Variants in NPC1L1 observed in about 807,000 individuals in gnomAD.
NPC1L1 encodes NPC1 like intracellular cholesterol transporter 1.
A neutral mutation model predicts 117.0 loss-of-function variants in NPC1L1; 98 were observed. That is an observed-to-expected ratio of 0.84 (90% CI 0.71 to 0.99). NPC1L1 has a LOEUF of 0.99. Among genes scored for constraint, NPC1L1 ranks in the 50% least tolerant of loss-of-function variants. The pLI, the probability that NPC1L1 is intolerant of heterozygous loss-of-function variation, is 0.00. For missense variants in NPC1L1, 1,540 were observed against 1,710.0 expected, an observed-to-expected ratio of 0.90 and a Z score of 1.75; for synonymous variants, 729 against 727.6, an observed-to-expected ratio of 1.00 and a Z score of -0.03.
At chr7:44,517,529 T>G (rs992842055) in intron 14 of NPC1L1, among the ~76,000 whole-genome samples, 172 bp from the exon 15 acceptor site, 1 of 152,196 alleles carries the variant, frequency 6.6e-6, no homozygotes, top group African/African-American at 2.4e-5. Flanking sequence ...CCCATATTTT[T>G]GTTTTGCACC....
chr7:44,516,558 A>G, intron 16 of NPC1L1, 145 bp downstream of exon 16: 1 of 746,978 alleles, frequency 1.3e-6, no homozygotes, highest in Non-Finnish European at 2.3e-6. Context: ...GTGAGCTGTG[A>G]TCATGTCACT....
chr7:44,536,195 A>G lies in NPC1L1; in HGVS notation c.1854+61T>C. ...AGGGCCAGGGCCAGGATGGGGACAC[A>G]GGAACTGACCCAAGACCACCTGGGT... On this transcript the variant is annotated intron_variant, in intron 4 of 18. Transcript: ENST00000381160. The surrounding 1 kb of genome is among the most constrained non-coding windows in gnomAD (Gnocchi z 4.7). 6.2e-7 allele frequency: 1 copy of G among 1,608,072 alleles called. No homozygotes were observed. Among genetic ancestry groups the G allele is most frequent in the Non-Finnish European group, 8.5e-7 (1 of 1,176,346 alleles).
chr7:44,540,213 G>A lies in NPC1L1; in HGVS notation c.184C>T (p.Pro62Ser). 6.2e-7 allele frequency: 1 copy of A among 1,614,142 alleles called. No individual in the cohort carries two copies. The highest frequency in any genetic ancestry group is 8.5e-7 in the Non-Finnish European group (1 of 1,180,038). ...LSNVSCLSNT[P>S]ARKITGDHLI... ...TGATCACCTGTGATCTTGCGGGCCG[G>A]CGTGTTGGACAGGCAGGACACGTTG... Residue 62 changes from proline (P) to serine (S), a missense_variant, in exon 2 of 19, where the codon CCG (proline) becomes TCG (serine). Coordinates refer to ENST00000381160, the MANE Select transcript of NPC1L1 (RefSeq NM_001101648.2).
At chr7:44,516,573 T>G in intron 16 of NPC1L1, 130 bp downstream of exon 16, 1 of 814,248 alleles carries the variant, frequency 1.2e-6, no homozygotes, top group Non-Finnish European at 2.0e-6. Flanking sequence ...GTCACTGCCC[T>G]CAAGCCTGAG....
intron 14 of NPC1L1, 85 bp downstream of exon 14, chr7:44,520,680 A>G: frequency 8.7e-7 from 1 of 1,155,576 alleles, no homozygotes; most frequent in African/African-American, 1.5e-5. Context: ...GGGAGACAAC[A>G]TGTGACAGGC....
chr7:44,533,109 A>C (rs960266953), intron 8 of NPC1L1: 2 of 302,680 alleles, frequency 6.6e-6, no homozygotes, highest in Non-Finnish European at 1.3e-5. Flanking sequence ...CCGTCTCAAA[A>C]AAAAAAAAAG....
chr7:44,533,518 C>A lies in NPC1L1; in HGVS notation c.2322G>T (p.Leu774=). ...TPMPAVRTFA[L]TSGLAVILDF... ...CAAGGATCACTGCAAGGCCAGAGGT[C>A]AGGGCAAAGGTCCGCACAGCTGGCA... Residue 774 remains leucine, a synonymous_variant, in exon 8 of 19, where the codon CTG becomes CTT. Transcript: ENST00000381160. 4.3e-6 allele frequency: 7 copies of A among 1,614,192 alleles called. No individual in the cohort carries two copies. The highest frequency in any genetic ancestry group is 1.1e-5 in the South Asian group (1 of 91,054).
Position 44,520,820 on chromosome 7 carries a change from G to T in NPC1L1, c.3081C>A (p.Gly1027=), listed in dbSNP as rs539209049. Residue 1027 remains glycine, a splice_region_variant and synonymous_variant, in exon 14 of 19, where the codon GGC becomes GGA. Transcript: ENST00000381160. ...NDRPNIKCPK[G]GLAAYSTSVN... is the part of the protein sequence containing the mutation. ...CAGAGGTGCTGTATGCTGCCAGGCC[G>T]CTGCAAGAAGGTCAGGGCAAAGGCT... The T allele has an allele frequency of 1.2e-6, 2 of 1,613,866 alleles. No homozygotes were observed. Among genetic ancestry groups the T allele is most frequent in the Admixed American group, 1.7e-5 (1 of 59,996 alleles).
intron 18 of NPC1L1, 61 bp from the exon 19 acceptor site, chr7:44,513,710 T>C (rs1381892762): frequency 6.4e-7 from 1 of 1,573,338 alleles, no homozygotes; most frequent in African/African-American, 1.3e-5. Context: ...TGAGAAGCTA[T>C]TCCTGGTTCT....
In NPC1L1 at chr7:44,539,382, G is replaced by A; in HGVS notation, c.1015C>T (p.Gln339Ter). 1 of 1,613,984 alleles carries A rather than the reference G, an allele frequency of 6.2e-7. No individual in the cohort carries two copies. The change falls in exon 2 of 19, where the codon CAG becomes TAG. Residue 339 changes from glutamine to a stop codon, truncating the protein, a stop_gained. Transcript: ENST00000381160. LOFTEE classifies it high-confidence loss of function. The surrounding 1 kb of genome is among the most constrained non-coding windows in gnomAD (Gnocchi z 4.4). ...LSFSTHTLLG[Q>*]FFQGWGTWVA... is the part of the protein sequence containing the mutation. ...CACGTGCCCCAGCCCTGGAAGAACT[G>A]GCCAAGGAGGGTGTGGGTGGAGAAG...
Position 44,533,510 on chromosome 7 carries a change from C to A in NPC1L1, c.2330G>T (p.Gly777Val). 6.2e-7 allele frequency: 1 copy of A among 1,614,184 alleles called. No homozygotes were observed. The highest frequency in any genetic ancestry group is 8.5e-7 in the Non-Finnish European group (1 of 1,180,026). ...PAVRTFALTS[G>V]LAVILDFLLQ... ...GAGGAAGTCAAGGATCACTGCAAGG[C>A]CAGAGGTCAGGGCAAAGGTCCGCAC... Residue 777 changes from glycine to valine, a missense_variant, in exon 8 of 19, where the codon GGC becomes GTC. Physicochemically the swap from Gly to Val is moderately radical, Grantham distance 109. Coordinates refer to ENST00000381160, the MANE Select transcript of NPC1L1 (RefSeq NM_001101648.2).
At position 44,520,835 on chromosome 7, in the gene NPC1L1, G is replaced by A. The variant is rs2117030795; in HGVS notation, c.3081-15C>T. 1 of 1,614,002 alleles carries A rather than the reference G, an allele frequency of 6.2e-7. No homozygotes were observed. The highest frequency in any genetic ancestry group is 2.2e-5 in the East Asian group (1 of 44,866). On this transcript the variant is annotated splice_polypyrimidine_tract_variant and intron_variant, in intron 13 of 18. Transcript: ENST00000381160. ...CTGCCAGGCCGCTGCAAGAAGGTCA[G>A]GGCAAAGGCTTAGCCAGGGACGAAG...
chr7:44,518,468 C>G (rs1563201741), intron 14 of NPC1L1: 1 of 228,162 alleles, frequency 4.4e-6, no homozygotes, highest in Non-Finnish European at 9.2e-6. Context: ...CCGCACCTGG[C>G]CCAAAAAGGT....
chr7:44,520,911 C>A (rs1428925633), intron 13 of NPC1L1, 81 bp downstream of exon 13: 7 of 1,611,958 alleles, frequency 4.3e-6, no homozygotes. Context: ...CCCTGATAGC[C>A]TCCTCCTGCC....
At chr7:44,516,504 G>A (rs1756694481) in intron 16 of NPC1L1, among the ~76,000 whole-genome samples, 199 bp downstream of exon 16, 1 of 152,144 alleles carries the variant, frequency 6.6e-6, no homozygotes, top group African/African-American at 2.4e-5. Flanking sequence ...TACTTTGGAG[G>A]CTGAGGTAGG....
Position 44,536,526 on chromosome 7 carries a change from C to T in NPC1L1, c.1682-98G>A, listed in dbSNP as rs1801899315. 2.3e-6 allele frequency: 3 copies of T among 1,326,536 alleles called. No homozygotes were observed. The highest frequency in any genetic ancestry group is 1.7e-5 in the Admixed American group (1 of 58,008). The allele number at this position is 1,326,536 out of a possible 1,614,324, so 82.2% of individuals were successfully genotyped here. The stretch of plus-strand genomic sequence containing the variant: ...TCCCTCCCCCTATCTAGCTGCACCC[C>T]TCCCATCACCCCTTGCTCCTTCTCC... On this transcript the variant is annotated intron_variant, in intron 3 of 18. Coordinates refer to ENST00000381160, the MANE Select transcript of NPC1L1 (RefSeq NM_001101648.2). This position sits in a 1 kb window ranked among gnomAD's most constrained non-coding sequence, Gnocchi z 4.7.
chr7:44,535,780 T>C (rs1801864960), intron 5 of NPC1L1, 60 bp downstream of exon 5: 1 of 1,609,560 alleles, frequency 6.2e-7, no homozygotes, highest in Admixed American at 1.7e-5. Flanking sequence ...GTAGAAGGCC[T>C]ACTGAAGATG....
At chr7:44,524,418 C>G (rs1255646827) in intron 10 of NPC1L1, among the ~76,000 whole-genome samples, 10 of 152,092 alleles carry the variant, frequency 6.6e-5, no homozygotes, top group Admixed American at 2.6e-4. Flanking sequence ...GAAACTGTTC[C>G]TGGGTAAGAC....
At chr7:44,516,291 A>T in intron 16 of NPC1L1, 94 bp from the exon 17 acceptor site, 1 of 1,058,798 alleles carries the variant, frequency 9.4e-7, no homozygotes, top group Non-Finnish European at 1.4e-6. Context: ...TGGGGCAGGC[A>T]TCTAGATTCT....
Sources: gnomAD v4.1 joint callset for allele counts (sites outside exome capture counted in the v4.1 genomes callset) on GRCh38, gnomAD v4.1.1 for gene constraint, Gnocchi (gnomAD v3.1) non-coding constraint, MANE v1.5 for transcripts, NCBI Gene and HGNC (gene_info 2026-07-23, HGNC 2026-07-21) for gene names.